Variants in PER3 observed in about 807,000 individuals in gnomAD.
The protein encoded by PER3 is period circadian regulator 3, also known as period circadian protein homolog 3.
Under a neutral mutation model 127.2 loss-of-function variants are expected in PER3, and 107 were observed. The observed-to-expected ratio is 0.84, with a 90% confidence interval of 0.72 to 0.99. The LOEUF is 0.99. PER3 is among the 50% of genes least tolerant of loss of function. The pLI, the probability that PER3 is intolerant of heterozygous loss-of-function variation, is 0.00. For synonymous variants in PER3, 618 were observed against 585.8 expected, an observed-to-expected ratio of 1.05 and a Z score of -0.79; for missense variants, 1,560 against 1,525.8, an observed-to-expected ratio of 1.02 and a Z score of -0.37.
At chr1:7,812,952 A>G (rs2097227323) in intron 13 of PER3, among the ~76,000 whole-genome samples, 1 of 152,244 alleles carries the variant, frequency 6.6e-6, no homozygotes, top group Non-Finnish European at 1.5e-5. Flanking sequence ...GAAATTGACT[A>G]GAGATGTATA....
At chr1:7,820,350 C>A in intron 15 of PER3, 111 bp downstream of exon 15, 2 of 1,389,384 alleles carry the variant, frequency 1.4e-6, no homozygotes, top group East Asian at 4.7e-5. Flanking sequence ...TTCATATTAC[C>A]TCTTTATGAC....
chr1:7,801,004 T>C lies in PER3; in HGVS notation c.794-109T>C, dbSNP rs554580230. 2.6e-4 allele frequency: 188 copies of C among 726,624 alleles called. 1 individual carries two copies. In the Admixed American group the frequency reaches 4.8e-3, roughly 18 times the overall value. 45.0% of individuals were successfully genotyped at this position (726,624 alleles called of 1,614,324 possible). A position where few individuals can be genotyped will look rare whatever the true frequency, so the allele number is the denominator to read the frequency against. Reference sequence around the variant, plus strand: ...AGGCCAGGCCCCTAAATGAGATTTCTACCATTTCATATAGATTTTGTTCTC... The same window carrying C: ...AGGCCAGGCCCCTAAATGAGATTTCCACCATTTCATATAGATTTTGTTCTC... On this transcript the variant is annotated intron_variant, in intron 7 of 21. Coordinates refer to ENST00000377532, the MANE Select transcript of PER3 (RefSeq NM_001377275.1).
At chr1:7,786,129 G>T (rs997202040) in intron 3 of PER3, among the ~76,000 whole-genome samples, 2 of 152,164 alleles carry the variant, frequency 1.3e-5, no homozygotes, top group Non-Finnish European at 2.9e-5. Context: ...GGTGGCGGGC[G>T]CCTGTAGTCC....
At chr1:7,833,874 CTT>C (rs1039893241) in intron 19 of PER3, among the ~76,000 whole-genome samples, 1 of 151,140 alleles carries the variant, frequency 6.6e-6, no homozygotes, top group East Asian at 1.9e-4. Context: ...CTAAGCATAA[CTT>C]TTTTTTTGTT....
At chr1:7,787,984 T>A in intron 4 of PER3, 61 bp from the exon 5 acceptor site, 1 of 1,238,282 alleles carries the variant, frequency 8.1e-7, no homozygotes, top group Non-Finnish European at 1.2e-6. Context: ...AAATTTACCT[T>A]TCAGGGAATA....
intron 17 of PER3, 39 bp from the exon 18 acceptor site, chr1:7,827,079 T>A: frequency 1.3e-6 from 2 of 1,483,162 alleles, no homozygotes; most frequent in Non-Finnish European, 1.8e-6. Context: ...CTTTTTGGGT[T>A]TAATTTTCCA....
chr1:7,827,573 A>G lies in PER3; in HGVS notation c.2644A>G (p.Thr882Ala), dbSNP rs201309583. Reference sequence around the variant, plus strand: ...TTTGCCATGTCCATTCCTGGGGGCGACAGCCTCTTCTGCGATATCACCCTC... The same window carrying G: ...TTTGCCATGTCCATTCCTGGGGGCGGCAGCCTCTTCTGCGATATCACCCTC... ...SFLPCPFLGA[T>A]ASSAISPSMS... Residue 882 changes from threonine (T) to alanine (A), a missense_variant, in exon 18 of 22, where the codon ACA becomes GCA. Thr to Ala is a moderately conservative substitution (Grantham distance 58). Around this residue, in one of 3 missense-constraint regions of PER3, gnomAD observed 1,332 missense variants for 1,223.6 expected, o/e 1.09. Transcript: ENST00000377532. The G allele has an allele frequency of 7.4e-6, 12 of 1,614,176 alleles. No homozygotes were observed. In the African/African-American group the frequency reaches 1.3e-4, roughly 18 times the overall value.
In PER3 at chr1:7,785,600, A is replaced by G. The variant is rs757753421; in HGVS notation, c.274+14A>G. 1.9e-6 allele frequency: 3 copies of G among 1,606,726 alleles called. No homozygotes were observed. Among genetic ancestry groups the G allele is most frequent in the African/African-American group, 2.7e-5 (2 of 74,578 alleles). ...ACAGCGTTCAAGGTAAACAAGCCGG[A>G]GAGAAATTTCATCCTACGAATGCAC... On this transcript the variant is annotated intron_variant, in intron 3 of 21. Coordinates refer to ENST00000377532, the MANE Select transcript of PER3 (RefSeq NM_001377275.1).
rs1454515682 is a variant in PER3, at chr1:7,826,673, A to G, written c.2151A>G (p.Gln717=). 1.9e-6 allele frequency: 3 copies of G among 1,611,240 alleles called. No individual in the cohort carries two copies. Among genetic ancestry groups the G allele is most frequent in the East Asian group, 2.2e-5 (1 of 44,874 alleles). The stretch of plus-strand genomic sequence containing the variant: ...CACCCTACAGCTCCTATCTTCAGCA[A>G]GAAAGCAGGAGCAAAGCTAAATATT... ...LSSPYSSYLQ[Q]ESRSKAKYSY... The change falls in exon 17 of 22, where the codon CAA becomes CAG. Residue 717 remains glutamine, a synonymous_variant. Coordinates refer to ENST00000377532, the MANE Select transcript of PER3 (RefSeq NM_001377275.1). The surrounding 1 kb of genome is among the most constrained non-coding windows in gnomAD (Gnocchi z 4.2).
rs1219762775 is a variant in PER3 at position 7,820,545 on chromosome 1, C to T, written c.1862C>T (p.Pro621Leu). 6.2e-7 allele frequency: 1 copy of T among 1,614,018 alleles called. No homozygotes were observed. The highest frequency in any genetic ancestry group is 8.5e-7 in the Non-Finnish European group (1 of 1,179,906). Reference protein sequence around the residue: ...GRSIDTGGGAPQILSTAMLSL... With the variant: ...GRSIDTGGGALQILSTAMLSL... Reference sequence around the variant, plus strand: ...TCCATAGACACAGGAGGAGGAGCTCCACAGATCCTGTCCACGGCGATGCTG... The same window carrying T: ...TCCATAGACACAGGAGGAGGAGCTCTACAGATCCTGTCCACGGCGATGCTG... The change falls in exon 16 of 22, where the codon CCA becomes CTA. Residue 621 changes from proline to leucine, a missense_variant. Physicochemically the swap from Pro to Leu is moderately conservative, Grantham distance 98 (BLOSUM62 -3). Coordinates refer to ENST00000377532, the MANE Select transcript of PER3 (RefSeq NM_001377275.1).
Position 7,787,134 on chromosome 1 carries a change from A to G in PER3, c.390+298A>G, listed in dbSNP as rs933655092. 4.3e-5 allele frequency: 15 copies of G among 350,030 alleles called. No individual in the cohort carries two copies. The East Asian group carries it at 1.0e-3, about 24-fold the overall frequency. 21.7% of individuals were successfully genotyped at this position (350,030 alleles called of 1,614,324 possible). ...TAAGAGAAAACAAAAATTACACTGC[A>G]GAGTAATTTCCTGCACCTTATTCTA... On this transcript the variant is annotated intron_variant, in intron 4 of 21. Coordinates refer to ENST00000377532, the MANE Select transcript of PER3 (RefSeq NM_001377275.1).
intron 13 of PER3, among the ~76,000 whole-genome samples, chr1:7,811,049 C>T (rs1419055363): frequency 2.6e-5 from 4 of 152,024 alleles, no homozygotes; most frequent in African/African-American, 9.7e-5. Context: ...TTCTCAAATA[C>T]AAGGTAAGGA....
intron 3 of PER3, among the ~76,000 whole-genome samples, chr1:7,786,246 C>G (rs77052831): frequency 0.13 from 19,469 of 152,146 alleles, 1,545 homozygotes; most frequent in Admixed American, 0.17. Context: ...CAGAGCGAGA[C>G]TCTGTCTCTA....
Position 7,826,853 on chromosome 1 carries a change from C to G in PER3, c.2188+143C>G, listed in dbSNP as rs2097303747. 1 of 642,828 alleles carries G rather than the reference C, an allele frequency of 1.6e-6. No individual in the cohort carries two copies. The highest frequency in any genetic ancestry group is 2.7e-6 in the Non-Finnish European group (1 of 370,906). The allele number at this position is 642,828 out of a possible 1,614,324, so 39.8% of individuals were successfully genotyped here. ...AGATGCTGAAACAATCTATTTACAT[C>G]AACAGTTTATGTAAGTTCTTTGTTA... is the stretch of plus-strand genomic sequence containing the variant. On this transcript the variant is annotated intron_variant, in intron 17 of 21. Coordinates refer to ENST00000377532, the MANE Select transcript of PER3 (RefSeq NM_001377275.1). This position sits in a 1 kb window ranked among gnomAD's most constrained non-coding sequence, Gnocchi z 4.2.
intron 10 of PER3, among the ~76,000 whole-genome samples, chr1:7,804,594 T>C (rs2097185034): frequency 6.6e-6 from 1 of 151,756 alleles, no homozygotes; most frequent in South Asian, 2.1e-4. Flanking sequence ...AGAGATGGGG[T>C]TTTGCCATGT....
intron 13 of PER3, among the ~76,000 whole-genome samples, chr1:7,817,497 G>A (rs1423552033): frequency 2.0e-5 from 3 of 152,136 alleles, no homozygotes; most frequent in African/African-American, 4.8e-5. Context: ...TGGTGTATTC[G>A]TTTCCCACCA....
intron 10 of PER3, among the ~76,000 whole-genome samples, chr1:7,804,311 C>CT (rs79813451): frequency 0.2 from 24,622 of 120,334 alleles, 2,216 homozygotes; most frequent in Non-Finnish European, 0.23. Flanking sequence ...TTCTTTCTTT[C>CT]TTTTTTTTTT....
chr1:7,807,374 A>C (rs1188589556), intron 10 of PER3, among the ~76,000 whole-genome samples: 3 of 152,212 alleles, frequency 2.0e-5, no homozygotes, highest in Non-Finnish European at 4.4e-5. Context: ...GTGAGTGAAT[A>C]GTCCCTAGAC....
At chr1:7,805,957 C>G (rs2097190799) in intron 10 of PER3, among the ~76,000 whole-genome samples, 1 of 152,090 alleles carries the variant, frequency 6.6e-6, no homozygotes. Flanking sequence ...GATTTAAGGT[C>G]TAGTAGGTAT....
Sources: gnomAD v4.1 joint callset for allele counts (sites outside exome capture counted in the v4.1 genomes callset) on GRCh38, gnomAD v4.1.1 for gene constraint, gnomAD v4.1.1 regional missense constraint, Gnocchi (gnomAD v3.1) non-coding constraint, MANE v1.5 for transcripts, NCBI Gene and HGNC (gene_info 2026-07-23, HGNC 2026-07-21) for gene names.